The following NCKAP1 variants were observed in gnomAD, a reference collection of about 807,000 sequenced individuals.
The protein encoded by NCKAP1 is nck-associated protein 1.
In NCKAP1, 21 loss-of-function variants were observed where a neutral mutation model predicts 151.2. The ratio of observed to expected loss-of-function variants is 0.14; its 90% CI spans 0.10 to 0.20. The LOEUF (loss-of-function observed/expected upper bound fraction) is 0.20. Among genes scored for constraint, NCKAP1 ranks in the 10% least tolerant of loss-of-function variants. The pLI, the probability that NCKAP1 is intolerant of heterozygous loss-of-function variation, is 1.00. For missense variants in NCKAP1, 933 were observed against 1,352.1 expected, an observed-to-expected ratio of 0.69 and a Z score of 4.86; for synonymous variants, 484 against 451.8, an observed-to-expected ratio of 1.07 and a Z score of -0.90.
intron 20 of NCKAP1, 52 bp downstream of exon 20, chr2:182,956,410 A>T (rs1697328858): frequency 6.4e-7 from 1 of 1,560,746 alleles, no homozygotes; most frequent in East Asian, 2.3e-5. Flanking sequence ...ATAATTAAAT[A>T]ACAAACTCAT....
chr2:182,926,362 A>C (rs931728760), intron 30 of NCKAP1, among the ~76,000 whole-genome samples: 3 of 152,224 alleles, frequency 2.0e-5, no homozygotes, highest in Admixed American at 2.0e-4. Flanking sequence ...TAAGGAAAAT[A>C]ACTCTAAGTG....
chr2:182,961,972 G>A (rs1204204631), intron 18 of NCKAP1, among the ~76,000 whole-genome samples, 187 bp downstream of exon 18: 3 of 152,158 alleles, frequency 2.0e-5, no homozygotes, highest in Non-Finnish European at 4.4e-5. Flanking sequence ...CAAACAGTAC[G>A]TACAGTCTTG....
At chr2:182,967,053 C>T (rs1174975282) in intron 16 of NCKAP1, among the ~76,000 whole-genome samples, 163 bp downstream of exon 16, 2 of 152,226 alleles carry the variant, frequency 1.3e-5, no homozygotes, top group East Asian at 3.8e-4. Context: ...CTTGGTTAAA[C>T]TTCTTTTTGT....
chr2:182,962,618 G>A (rs958711331), intron 17 of NCKAP1, among the ~76,000 whole-genome samples: 5 of 152,050 alleles, frequency 3.3e-5, no homozygotes, highest in African/African-American at 1.2e-4. Context: ...AACATATAAT[G>A]TGAAAGCAAA....
intron 6 of NCKAP1, among the ~76,000 whole-genome samples, chr2:182,997,982 G>GATCA (rs1698302094): frequency 6.6e-6 from 1 of 152,126 alleles, no homozygotes; most frequent in African/African-American, 2.4e-5. Flanking sequence ...AATTCACCAT[G>GATCA]ATCAAGTGGG....
At chr2:182,974,625 T>C (rs966627776) in intron 15 of NCKAP1, among the ~76,000 whole-genome samples, 1 of 152,040 alleles carries the variant, frequency 6.6e-6, no homozygotes, top group Non-Finnish European at 1.5e-5. Context: ...TACCAGCAAA[T>C]CACCAGAAGC....
chr2:183,011,566 T>A (rs913289039), intron 2 of NCKAP1, among the ~76,000 whole-genome samples: 1 of 152,230 alleles, frequency 6.6e-6, no homozygotes, highest in Non-Finnish European at 1.5e-5. Flanking sequence ...CTAGCTTCAC[T>A]TATTCATGTT....
intron 26 of NCKAP1, among the ~76,000 whole-genome samples, chr2:182,933,121 T>C (rs114745967): frequency 0.013 from 1,904 of 152,308 alleles, 38 homozygotes; most frequent in African/African-American, 0.043. Context: ...TTCTTTATCA[T>C]TGGAGAATCT....
At chr2:183,022,388 AAG>A (rs1698812733) in intron 2 of NCKAP1, among the ~76,000 whole-genome samples, 2 of 152,346 alleles carry the variant, frequency 1.3e-5, no homozygotes, top group Middle Eastern at 3.4e-3. Flanking sequence ...GTAACTAAAA[AAG>A]AGTTCTCCAC....
intron 16 of NCKAP1, 53 bp from the exon 17 acceptor site, chr2:182,964,861 G>C: frequency 7.2e-7 from 1 of 1,394,562 alleles, no homozygotes; most frequent in Non-Finnish European, 9.8e-7. Context: ...TAAGTTTTCT[G>C]ATATAGTACC....
chr2:182,983,225 A>C, intron 11 of NCKAP1, 61 bp downstream of exon 11: 1 of 1,311,454 alleles, frequency 7.6e-7, no homozygotes, highest in Non-Finnish European at 1.1e-6. Context: ...AATTTCACTT[A>C]GAAACGTTTT....
intron 18 of NCKAP1, among the ~76,000 whole-genome samples, chr2:182,960,080 G>A (rs1697413273): frequency 6.6e-6 from 1 of 152,170 alleles, no homozygotes; most frequent in South Asian, 2.1e-4. Context: ...TGAAATAAAA[G>A]AGGATACAAA....
At chr2:183,015,110 T>C (rs552047792) in intron 2 of NCKAP1, among the ~76,000 whole-genome samples, 18 of 152,328 alleles carry the variant, frequency 1.2e-4, no homozygotes, top group African/African-American at 4.3e-4. Flanking sequence ...AAAGTCTCTT[T>C]GAGTTGAAGA....
At position 182,989,153 on chromosome 2, in the gene NCKAP1, G is replaced by C. The variant is rs550349550; in HGVS notation, c.824C>G (p.Thr275Ser). 2 of 1,607,636 alleles carry C rather than the reference G, an allele frequency of 1.2e-6. No individual in the cohort carries two copies. The highest frequency in any genetic ancestry group is 3.4e-5 in the Admixed American group (2 of 58,398). ...CCAAAGGTTCAGTGCTGTAGCGTCA[G>C]TATTTAGGATCCCATGGCACAAAAT... Reference protein sequence around the residue: ...GFILCHGILNTDATALNLWKL... With the variant: ...GFILCHGILNSDATALNLWKL... Residue 275 changes from threonine (T) to serine (S), a missense_variant, in exon 9 of 31, where the codon ACT becomes AGT. By Grantham distance (58) the Thr-to-Ser change is moderately conservative. Coordinates refer to ENST00000361354, the MANE Select transcript of NCKAP1 (RefSeq NM_013436.5).
Position 182,983,340 on chromosome 2 carries a change from T to C in NCKAP1, c.1047A>G (p.Ala349=), listed in dbSNP as rs749120228. The C allele has an allele frequency of 1.9e-6, 3 of 1,613,662 alleles. No individual in the cohort carries two copies. The highest frequency in any genetic ancestry group is 1.7e-4 in the Middle Eastern group (1 of 6,058). The change falls in exon 11 of 31, where the codon GCA becomes GCG. Residue 349 remains alanine, a synonymous_variant. Coordinates refer to ENST00000361354, the MANE Select transcript of NCKAP1 (RefSeq NM_013436.5). ...HRERRKFLRS[A]LKELATVLSD... ...AGAGGACAGTAGCCAATTCCTTCAG[T>C]GCAGATCTTAAAAACTTGCGTCTTT... is the stretch of plus-strand genomic sequence containing the variant.
intron 2 of NCKAP1, among the ~76,000 whole-genome samples, chr2:183,023,309 T>A (rs1353704559): frequency 6.6e-6 from 1 of 152,060 alleles, no homozygotes; most frequent in Non-Finnish European, 1.5e-5. Context: ...AATATGGAGA[T>A]AATAAAGACC....
chr2:182,940,565 G>C (rs1323621922), intron 24 of NCKAP1, among the ~76,000 whole-genome samples: 1 of 152,098 alleles, frequency 6.6e-6, no homozygotes, highest in Non-Finnish European at 1.5e-5. Context: ...TCAGCCTCCT[G>C]AGTAGCTGGG....
At chr2:182,984,763 A>G (rs1457125085) in intron 10 of NCKAP1, among the ~76,000 whole-genome samples, 1 of 152,162 alleles carries the variant, frequency 6.6e-6, no homozygotes, top group Non-Finnish European at 1.5e-5. Context: ...TGTTATTTTG[A>G]TTATTTTACT....
In NCKAP1 at chr2:183,004,336, T is replaced by C. The variant is rs566045061; in HGVS notation, c.220-1011A>G. Among the ~76,000 whole-genome samples, 7 of 152,242 alleles carry C rather than the reference T, an allele frequency of 4.6e-5. No homozygotes were observed. The East Asian group carries it at 1.3e-3, about 29-fold the overall frequency. ...CAATGCTGAGGCCTCCATATAGTTC[T>C]GAATTACACTCAGGAACGTTAGGGG... On this transcript the variant is annotated intron_variant, in intron 2 of 30. Coordinates refer to ENST00000361354, the MANE Select transcript of NCKAP1 (RefSeq NM_013436.5).
Sources: gnomAD v4.1 joint callset for allele counts (sites outside exome capture counted in the v4.1 genomes callset) on GRCh38, gnomAD v4.1.1 for gene constraint, MANE v1.5 for transcripts, NCBI Gene and HGNC (gene_info 2026-07-23, HGNC 2026-07-21) for gene names.